The following ADAMTSL3 variants were observed in gnomAD, a reference collection of about 807,000 sequenced individuals.
ADAMTSL3 encodes the protein ADAMTS-like protein 3.
A neutral mutation model predicts 201.7 loss-of-function variants in ADAMTSL3; 128 were observed. The ratio of observed to expected loss-of-function variants is 0.63; its 90% CI spans 0.55 to 0.73. The LOEUF (loss-of-function observed/expected upper bound fraction) is 0.73. ADAMTSL3 is among the 30% of genes least tolerant of loss of function. The probability of loss-of-function intolerance (pLI) is 0.00; values close to 1 mark genes in which losing one functional copy is unlikely to be tolerated. For missense variants in ADAMTSL3, 1,990 were observed against 2,119.6 expected, an observed-to-expected ratio of 0.94 and a Z score of 1.20; for synonymous variants, 738 against 748.4, an observed-to-expected ratio of 0.99 and a Z score of 0.23.
rs563839757 is a variant in ADAMTSL3, at chr15:83,834,658, ATATT to A, written c.601-3426_601-3423del. On this transcript the variant is annotated intron_variant, in intron 6 of 29. Transcript: ENST00000286744. ...AGCTGAAGTGATGATTTATAGATGA[ATATT>A]TATTCCAAAAAGCACTACTCATATA... 2.2e-4 allele frequency among the ~76,000 whole-genome samples: 34 copies of A among 152,324 alleles called. No individual in the cohort carries two copies. In the South Asian group the frequency reaches 6.6e-3, roughly 30 times the overall value.
intron 7 of ADAMTSL3, among the ~76,000 whole-genome samples, chr15:83,850,619 C>A (rs1036415654): frequency 6.6e-6 from 1 of 152,000 alleles, no homozygotes; most frequent in African/African-American, 2.4e-5. Flanking sequence ...TTTACATTTG[C>A]TGTCTCTAAT....
At chr15:83,819,280 A>AG (rs1203316405) in intron 5 of ADAMTSL3, among the ~76,000 whole-genome samples, 1 of 151,666 alleles carries the variant, frequency 6.6e-6, no homozygotes, top group Non-Finnish European at 1.5e-5. Context: ...AAAAAAAAAA[A>AG]AACAATGACA....
At chr15:84,008,388 C>T (rs1183731663) in intron 23 of ADAMTSL3, among the ~76,000 whole-genome samples, 1 of 152,248 alleles carries the variant, frequency 6.6e-6, no homozygotes, top group Non-Finnish European at 1.5e-5. Context: ...AGCCACCACA[C>T]CAGGCCCCGT....
chr15:83,709,100 G>GAGATTA (rs961364731), intron 3 of ADAMTSL3, among the ~76,000 whole-genome samples: 27 of 152,174 alleles, frequency 1.8e-4, no homozygotes, highest in African/African-American at 6.5e-4. Flanking sequence ...ATAGACCCCA[G>GAGATTA]AGATTAAGAT....
chr15:83,819,205 A>G (rs1775242441), intron 5 of ADAMTSL3, among the ~76,000 whole-genome samples: 1 of 141,810 alleles, frequency 7.1e-6, no homozygotes, highest in African/African-American at 2.6e-5. Flanking sequence ...TGGGAGGCGG[A>G]GGTTGCAGTG....
At chr15:83,958,701 A>T (rs905235673) in intron 19 of ADAMTSL3, among the ~76,000 whole-genome samples, 1 of 152,238 alleles carries the variant, frequency 6.6e-6, no homozygotes, top group African/African-American at 2.4e-5. Flanking sequence ...ACTCAGTGTT[A>T]CAAAATGAGC....
chr15:83,672,761 C>T (rs2061344756), intron 2 of ADAMTSL3, among the ~76,000 whole-genome samples: 1 of 152,192 alleles, frequency 6.6e-6, no homozygotes, highest in Admixed American at 6.5e-5. Context: ...GGGACATTTG[C>T]AACGTTGCTT....
intron 3 of ADAMTSL3, among the ~76,000 whole-genome samples, chr15:83,737,755 C>A (rs1380618909): frequency 6.6e-6 from 1 of 152,108 alleles, no homozygotes; most frequent in Non-Finnish European, 1.5e-5. Context: ...GATGAAAACA[C>A]AAACATATAC....
intron 2 of ADAMTSL3, among the ~76,000 whole-genome samples, chr15:83,686,135 T>G (rs570761248): frequency 6.6e-6 from 1 of 152,292 alleles, no homozygotes; most frequent in East Asian, 1.9e-4. Flanking sequence ...AGCTACACCA[T>G]TTTTCCTTCT....
intron 3 of ADAMTSL3, among the ~76,000 whole-genome samples, chr15:83,712,700 T>G (rs541697155): frequency 6.6e-6 from 1 of 152,338 alleles, no homozygotes; most frequent in African/African-American, 2.4e-5. Flanking sequence ...CTCAGGGCAG[T>G]GACTGATGGC....
At chr15:83,763,086 A>C (rs761065219) in intron 3 of ADAMTSL3, among the ~76,000 whole-genome samples, 23 of 152,088 alleles carry the variant, frequency 1.5e-4, no homozygotes, top group Non-Finnish European at 3.4e-4. Flanking sequence ...ACGGGGTTTC[A>C]CCGTGTTGGC....
At chr15:84,003,657 G>A (rs1436164645) in intron 23 of ADAMTSL3, among the ~76,000 whole-genome samples, 1 of 152,136 alleles carries the variant, frequency 6.6e-6, no homozygotes, top group Non-Finnish European at 1.5e-5. Flanking sequence ...GGTTTTGAAT[G>A]CCCTATACCA....
At chr15:83,727,038 A>G (rs2062188329) in intron 3 of ADAMTSL3, among the ~76,000 whole-genome samples, 1 of 151,730 alleles carries the variant, frequency 6.6e-6, no homozygotes, top group Non-Finnish European at 1.5e-5. Flanking sequence ...TTTCCTTGTT[A>G]GGAGCCTTTT....
chr15:83,762,850 T>G (rs977861946), intron 3 of ADAMTSL3, among the ~76,000 whole-genome samples: 1 of 152,012 alleles, frequency 6.6e-6, no homozygotes. Flanking sequence ...CTGTGAAGAA[T>G]CTTATATCAG....
At chr15:83,929,111 A>G (rs1296609224) in intron 17 of ADAMTSL3, among the ~76,000 whole-genome samples, 2 of 152,250 alleles carry the variant, frequency 1.3e-5, no homozygotes, top group African/African-American at 2.4e-5. Flanking sequence ...CTAAGTTGCA[A>G]AATGACTGTG....
intron 6 of ADAMTSL3, among the ~76,000 whole-genome samples, chr15:83,834,093 T>C (rs533546414): frequency 4.6e-5 from 7 of 152,344 alleles, no homozygotes; most frequent in African/African-American, 1.7e-4. Flanking sequence ...GGTTACTTCT[T>C]GCTGATGCCA....
chr15:83,858,001 A>C (rs74024588), intron 7 of ADAMTSL3, among the ~76,000 whole-genome samples: 1,579 of 152,342 alleles, frequency 0.01, 34 homozygotes, highest in African/African-American at 0.036. Flanking sequence ...GTGTGAAAAA[A>C]CATCTCTGAG....
At chr15:83,871,538 T>C (rs1412234323) in intron 9 of ADAMTSL3, among the ~76,000 whole-genome samples, 4 of 152,214 alleles carry the variant, frequency 2.6e-5, no homozygotes, top group Non-Finnish European at 5.9e-5. Flanking sequence ...CCTTCAGCCC[T>C]TAGAACATGC....
chr15:83,976,785 C>G (rs1256299869), intron 20 of ADAMTSL3, among the ~76,000 whole-genome samples: 9 of 152,172 alleles, frequency 5.9e-5, no homozygotes, highest in Admixed American at 4.6e-4. Context: ...AAGCTTCGCT[C>G]ACTGGCCTTA....
Sources: gnomAD v4.1 joint callset for allele counts (sites outside exome capture counted in the v4.1 genomes callset) on GRCh38, gnomAD v4.1.1 for gene constraint, MANE v1.5 for transcripts, NCBI Gene and HGNC (gene_info 2026-07-23, HGNC 2026-07-21) for gene names.